Variants in LRP1B observed in about 807,000 individuals in gnomAD.
LRP1B encodes the protein low-density lipoprotein receptor-related protein 1B.
Under a neutral mutation model 556.6 loss-of-function variants are expected in LRP1B, and 217 were observed. The ratio of observed to expected loss-of-function variants is 0.39; its 90% CI spans 0.35 to 0.44. The LOEUF is 0.44. Ranked by LOEUF, LRP1B falls within the 20% of genes least tolerant of loss-of-function variation. The probability of loss-of-function intolerance (pLI) is 1.00; values close to 1 mark genes in which losing one functional copy is unlikely to be tolerated. For missense variants in LRP1B, 5,053 were observed against 5,620.8 expected, an observed-to-expected ratio of 0.90 and a Z score of 3.23; for synonymous variants, 2,047 against 1,865.8, an observed-to-expected ratio of 1.10 and a Z score of -2.50.
chr2:141,995,521 C>A lies in LRP1B; in HGVS notation c.82+135127G>T, dbSNP rs554159781. Among the ~76,000 whole-genome samples the A allele has an allele frequency of 1.4e-4, 22 of 152,302 alleles. No homozygotes were observed. In the East Asian group the frequency reaches 3.7e-3, roughly 25 times the overall value. ...CAGCTGATTGGCACACTAATTCCAT[C>A]TGCTATCTTAATTCCCTTTTACCTT... On this transcript the variant is annotated intron_variant, in intron 1 of 90. Transcript: ENST00000389484.
At chr2:141,818,058 T>C (rs1425443902) in intron 1 of LRP1B, among the ~76,000 whole-genome samples, 1 of 152,206 alleles carries the variant, frequency 6.6e-6, no homozygotes, top group East Asian at 1.9e-4. Flanking sequence ...TTAGTTAACA[T>C]CAAATATTTA....
Position 140,234,754 on chromosome 2 carries a change from C to T in LRP1B, c.13659+32G>A, listed in dbSNP as rs189827036. 1.6e-3 allele frequency: 1,226 copies of T among 766,726 alleles called. 11 individuals carry two copies. The African/African-American group carries it at 0.017, about 11-fold the overall frequency. 47.5% of individuals were successfully genotyped at this position (766,726 alleles called of 1,614,324 possible). A position where few individuals can be genotyped will look rare whatever the true frequency, so the allele number is the denominator to read the frequency against. ...TGATTGTGAGGGTTCTGTGATGAAA[C>T]GGACATGAAATAACGAATATTCTTC... On this transcript the variant is annotated intron_variant, in intron 90 of 90. Transcript: ENST00000389484.
chr2:140,635,392 G>A (rs549904), intron 41 of LRP1B, among the ~76,000 whole-genome samples: 12,516 of 151,730 alleles, frequency 0.082, 669 homozygotes, highest in East Asian at 0.18. Flanking sequence ...TAATGAAATT[G>A]GTGTATGAGC....
intron 1 of LRP1B, among the ~76,000 whole-genome samples, chr2:141,961,147 G>A (rs1180218303): frequency 6.6e-6 from 1 of 151,492 alleles, no homozygotes; most frequent in African/African-American, 2.4e-5. Flanking sequence ...CAACCGAGAG[G>A]TAATTTGGCC....
At chr2:141,980,074 T>C (rs940172239) in intron 1 of LRP1B, among the ~76,000 whole-genome samples, 3 of 152,100 alleles carry the variant, frequency 2.0e-5, no homozygotes, top group Non-Finnish European at 4.4e-5. Context: ...AATTACTCTT[T>C]CTCTAGTATG....
At chr2:141,826,505 G>A (rs981895282) in intron 1 of LRP1B, among the ~76,000 whole-genome samples, 3 of 151,796 alleles carry the variant, frequency 2.0e-5, no homozygotes, top group East Asian at 3.9e-4. Flanking sequence ...GACTACAGGT[G>A]CCCGCCACCA....
chr2:140,913,062 C>G (rs1436084563), intron 21 of LRP1B, among the ~76,000 whole-genome samples: 3 of 151,632 alleles, frequency 2.0e-5, no homozygotes, highest in Non-Finnish European at 4.4e-5. Flanking sequence ...TTGAGAAAGT[C>G]TAAATGGATT....
intron 41 of LRP1B, among the ~76,000 whole-genome samples, chr2:140,613,214 G>A (rs1456132727): frequency 7.0e-6 from 1 of 143,306 alleles, no homozygotes; most frequent in African/African-American, 2.5e-5. Context: ...CTAAATCCCT[G>A]GCATTATATA....
At chr2:142,088,800 C>T (rs902953113) in intron 1 of LRP1B, among the ~76,000 whole-genome samples, 3 of 151,650 alleles carry the variant, frequency 2.0e-5, no homozygotes, top group African/African-American at 7.3e-5. Flanking sequence ...ACAGTGAAAC[C>T]CCGTCTCTAC....
At chr2:140,267,523 G>A (rs1045839727) in intron 86 of LRP1B, among the ~76,000 whole-genome samples, 4 of 151,900 alleles carry the variant, frequency 2.6e-5, no homozygotes, top group African/African-American at 2.4e-5. Flanking sequence ...TTGTTTTACT[G>A]TATTGTTTAG....
At chr2:140,800,287 T>C (rs1436739454) in intron 32 of LRP1B, among the ~76,000 whole-genome samples, 3 of 152,012 alleles carry the variant, frequency 2.0e-5, no homozygotes, top group Non-Finnish European at 1.5e-5. Flanking sequence ...TTAGGAAATA[T>C]ACCTAATGTA....
intron 2 of LRP1B, among the ~76,000 whole-genome samples, chr2:141,696,998 A>G (rs1691754687): frequency 6.6e-6 from 1 of 152,000 alleles, no homozygotes; most frequent in Non-Finnish European, 1.5e-5. Context: ...AAAAAATAAG[A>G]TAGGTCAGTT....
chr2:141,996,210 CAAA>C (rs66563468), intron 1 of LRP1B, among the ~76,000 whole-genome samples: 2 of 35,984 alleles, frequency 5.6e-5, no homozygotes, highest in East Asian at 1.3e-3. Flanking sequence ...GAGCGAGACT[CAAA>C]AAAAAAAAAA....
At chr2:140,368,981 C>T (rs969085273) in intron 71 of LRP1B, among the ~76,000 whole-genome samples, 2 of 151,744 alleles carry the variant, frequency 1.3e-5, no homozygotes, top group African/African-American at 4.8e-5. Flanking sequence ...GGGAAAGGGG[C>T]TTTGAAACAT....
chr2:140,519,321 T>A (rs187605524), intron 49 of LRP1B, among the ~76,000 whole-genome samples: 191 of 152,238 alleles, frequency 1.3e-3, no homozygotes, highest in African/African-American at 4.1e-3. Flanking sequence ...TCTACAACCA[T>A]CTGATCTTTG....
intron 41 of LRP1B, among the ~76,000 whole-genome samples, chr2:140,620,499 GTA>G (rs1386034857): frequency 1.3e-5 from 2 of 152,150 alleles, no homozygotes; most frequent in African/African-American, 4.8e-5. Flanking sequence ...TTTTTGGAAA[GTA>G]TGCATTAATC....
At chr2:141,391,598 T>C (rs973052539) in intron 3 of LRP1B, among the ~76,000 whole-genome samples, 3 of 152,152 alleles carry the variant, frequency 2.0e-5, no homozygotes, top group African/African-American at 7.2e-5. Flanking sequence ...TGATAAGCCA[T>C]TGAACAGTTT....
At chr2:141,119,900 A>C (rs1198292563) in intron 7 of LRP1B, among the ~76,000 whole-genome samples, 1 of 151,928 alleles carries the variant, frequency 6.6e-6, no homozygotes, top group Non-Finnish European at 1.5e-5. Context: ...TGAGTCATCT[A>C]TCACCCTGAA....
At chr2:141,732,429 C>T (rs1446480258) in intron 2 of LRP1B, among the ~76,000 whole-genome samples, 1 of 152,022 alleles carries the variant, frequency 6.6e-6, no homozygotes, top group African/African-American at 2.4e-5. Context: ...TTACATGATG[C>T]TAAAATTACG....
Sources: gnomAD v4.1 joint callset for allele counts (sites outside exome capture counted in the v4.1 genomes callset) on GRCh38, gnomAD v4.1.1 for gene constraint, MANE v1.5 for transcripts, NCBI Gene and HGNC (gene_info 2026-07-23, HGNC 2026-07-21) for gene names.